Variants in MYCL observed in about 807,000 individuals in gnomAD.
MYCL encodes MYCL proto-oncogene, bHLH transcription factor.
Under a neutral mutation model 31.0 loss-of-function variants are expected in MYCL, and 11 were observed. The ratio of observed to expected loss-of-function variants is 0.35; its 90% CI spans 0.22 to 0.59. The LOEUF is 0.59. Ranked by LOEUF, MYCL falls within the 20% of genes least tolerant of loss-of-function variation. The pLI is 0.79. For missense variants in MYCL, 427 were observed against 486.1 expected (o/e 0.88, Z 1.14); for synonymous variants, 208 against 202.4 (o/e 1.03, Z -0.23).
intron 1 of MYCL, chr1:39,898,884 T>C: frequency 8.1e-6 from 8 of 985,426 alleles, no homozygotes; most frequent in South Asian, 4.7e-5. Flanking sequence ...AGAGGGGCAA[T>C]TGGGAGAAAA....
In MYCL at chr1:39,901,837, G is replaced by C. The variant is rs1277811228; in HGVS notation, c.-403C>G. On this transcript the variant is annotated 5_prime_UTR_variant, in exon 1 of 2. Transcript: ENST00000372816. The surrounding 1 kb of genome is among the most constrained non-coding windows in gnomAD (Gnocchi z 6.9). The stretch of plus-strand genomic sequence containing the variant: ...CTCCAGCCGCCCGCCACCTGGAGCG[G>C]ACCGGCTCCCCGCCGGCTCGGGGCA... 13 of 1,265,410 alleles carry C rather than the reference G, an allele frequency of 1.0e-5. No individual in the cohort carries two copies. Among genetic ancestry groups the C allele is most frequent in the East Asian group, 3.9e-5 (1 of 25,538 alleles). The allele number at this position is 1,265,410 out of a possible 1,614,324, so 78.4% of individuals were successfully genotyped here.
intron 1 of MYCL, chr1:39,900,711 C>T: frequency 7.2e-7 from 1 of 1,397,156 alleles, no homozygotes; most frequent in Non-Finnish European, 9.3e-7. Context: ...CCTGGGGCTC[C>T]AATAATCATC....
At position 39,897,575 on chromosome 1, in the gene MYCL, G is replaced by A. The variant is rs112099561; in HGVS notation, c.892C>T (p.Arg298Cys). 1 of 1,614,232 alleles carries A rather than the reference G, an allele frequency of 6.2e-7. No individual in the cohort carries two copies. The highest frequency in any genetic ancestry group is 1.1e-5 in the South Asian group (1 of 91,080). ...FLERKRRNDLRSRFLALRDQV... is the reference protein window; with the variant it reads ...FLERKRRNDLCSRFLALRDQV... ...TCCCTCAGCGCCAAGAATCGCGAAC[G>A]CAGGTCATTCCGCCTCTTGCGCTCC... The change falls in exon 2 of 2, where the codon CGT (arginine) becomes TGT (cysteine). Residue 298 changes from arginine to cysteine, a missense_variant. Coordinates refer to ENST00000372816, the MANE Select transcript of MYCL (RefSeq NM_001033081.3). This position sits in a 1 kb window ranked among gnomAD's most constrained non-coding sequence, Gnocchi z 4.3.
Position 39,901,263 on chromosome 1 carries a change from T to C in MYCL, c.172A>G (p.Ile58Val). 1.2e-6 allele frequency: 2 copies of C among 1,603,054 alleles called. No individual in the cohort carries two copies. The highest frequency in any genetic ancestry group is 1.3e-5 in the African/African-American group (1 of 74,800). ...GPGAGDPAPGIGPPEPWPGGC... is the reference protein window; with the variant it reads ...GPGAGDPAPGVGPPEPWPGGC... ...CCGGGCCACGGCTCCGGGGGACCAA[T>C]CCCGGGGGCCGGGTCCCCTGCGCCG... The change falls in exon 1 of 2, where the codon ATT becomes GTT. Residue 58 changes from isoleucine (I) to valine (V), a missense_variant. Ile to Val is a conservative substitution (Grantham distance 29, BLOSUM62 3). Coordinates refer to ENST00000372816, the MANE Select transcript of MYCL (RefSeq NM_001033081.3). This position sits in a 1 kb window ranked among gnomAD's most constrained non-coding sequence, Gnocchi z 6.9.
chr1:39,899,775 T>C (rs1644516961), intron 1 of MYCL: 1 of 985,308 alleles, frequency 1.0e-6, no homozygotes. Flanking sequence ...ATTTTTTCTC[T>C]CAAGTGTAGG....
Position 39,895,783 on chromosome 1 carries a change from G to A in MYCL, c.*1589C>T, listed in dbSNP as rs1348559888. 2 of 225,964 alleles carry A rather than the reference G, an allele frequency of 8.9e-6. No individual in the cohort carries two copies. The highest frequency in any genetic ancestry group is 2.2e-5 in the African/African-American group (1 of 44,882). 14.0% of individuals were successfully genotyped at this position (225,964 alleles called of 1,614,324 possible). A position where few individuals can be genotyped will look rare whatever the true frequency, so the allele number is the denominator to read the frequency against. On this transcript the variant is annotated 3_prime_UTR_variant, in exon 2 of 2. Coordinates refer to ENST00000372816, the MANE Select transcript of MYCL (RefSeq NM_001033081.3). ...GCTTTTGTAAACCATGCTCCAGAAG[G>A]GTAGAGAGGCTATTTCCAAACATCC...
chr1:39,898,312 C>T (rs1238825052), intron 1 of MYCL, among the ~76,000 whole-genome samples: 2 of 152,216 alleles, frequency 1.3e-5, no homozygotes, highest in African/African-American at 4.8e-5. Flanking sequence ...GAGCTACCGG[C>T]CTGGGACAAA....
Position 39,895,655 on chromosome 1 carries a change from A to T in MYCL, c.*1717T>A. The T allele has an allele frequency of 4.4e-6, 1 of 227,152 alleles. No individual in the cohort carries two copies. Among genetic ancestry groups the T allele is most frequent in the South Asian group, 1.8e-4 (1 of 5,482 alleles). The allele number at this position is 227,152 out of a possible 1,614,324, so 14.1% of individuals were successfully genotyped here. On this transcript the variant is annotated 3_prime_UTR_variant, in exon 2 of 2. Coordinates refer to ENST00000372816, the MANE Select transcript of MYCL (RefSeq NM_001033081.3). The stretch of plus-strand genomic sequence containing the variant: ...CAATATAAAAAAAAAAGACTCCCCC[A>T]GCATAATAGCCAACAGCAGCTTATA...
Position 39,901,389 on chromosome 1 carries a change from C to T in MYCL, c.46G>A (p.Gly16Arg). ...YQHYFYDYDC[G>R]EDFYRSTAPS... Reference sequence around the variant, plus strand: ...GCCGTGGAGCGGTAGAAATCCTCCCCGCAGTCATAGTCGTAGAAATAGTGC... The same window carrying T: ...GCCGTGGAGCGGTAGAAATCCTCCCTGCAGTCATAGTCGTAGAAATAGTGC... Residue 16 changes from glycine to arginine, a missense_variant, in exon 1 of 2, where the codon GGG (glycine) becomes AGG (arginine). Physicochemically the swap from Gly to Arg is moderately radical, Grantham distance 125 (BLOSUM62 -2). Transcript: ENST00000372816. This position sits in a 1 kb window ranked among gnomAD's most constrained non-coding sequence, Gnocchi z 6.9. 6.2e-7 allele frequency: 1 copy of T among 1,613,018 alleles called. No homozygotes were observed. The highest frequency in any genetic ancestry group is 8.5e-7 in the Non-Finnish European group (1 of 1,179,752).
At chr1:39,899,975 T>G (rs1268921900) in intron 1 of MYCL, 2 of 985,340 alleles carry the variant, frequency 2.0e-6, no homozygotes, top group East Asian at 2.3e-4. Context: ...AACAATGTAG[T>G]TTAGTGGCAC....
Position 39,901,594 on chromosome 1 carries a change from C to T in MYCL, c.-160G>A. On this transcript the variant is annotated 5_prime_UTR_variant, in exon 1 of 2. Transcript: ENST00000372816. The surrounding 1 kb of genome is among the most constrained non-coding windows in gnomAD (Gnocchi z 6.9). ...CGCCCAGTCCTCGCGTCCCGGGAAG[C>T]CGGGCCCCGGGTCAGAGTGGTAGGG... 1 of 1,427,406 alleles carries T rather than the reference C, an allele frequency of 7.0e-7. No homozygotes were observed. Among genetic ancestry groups the T allele is most frequent in the Non-Finnish European group, 9.1e-7 (1 of 1,098,730 alleles). 88.4% of individuals were successfully genotyped at this position (1,427,406 alleles called of 1,614,324 possible). A position where few individuals can be genotyped will look rare whatever the true frequency, so the allele number is the denominator to read the frequency against.
intron 1 of MYCL, chr1:39,900,557 G>A (rs1400019878): frequency 2.5e-6 from 3 of 1,183,864 alleles, no homozygotes; most frequent in Non-Finnish European, 3.1e-6. Flanking sequence ...CCCCCTAGGG[G>A]AGTGTGAGTT....
rs756041549 is a variant in MYCL at position 39,901,073 on chromosome 1, T to C, written c.362A>G (p.Asn121Ser). ...DRLAPGAPRG[N>S]PPKASAAPDC... ...CGGGGCGGCGGACGCCTTGGGCGGG[T>C]TCCCCCGGGGCGCGCCAGGAGCGAG... is the stretch of plus-strand genomic sequence containing the variant. Residue 121 changes from asparagine (N) to serine (S), a missense_variant, in exon 1 of 2, where the codon AAC (asparagine) becomes AGC (serine). Coordinates refer to ENST00000372816, the MANE Select transcript of MYCL (RefSeq NM_001033081.3). This position sits in a 1 kb window ranked among gnomAD's most constrained non-coding sequence, Gnocchi z 6.9. The C allele has an allele frequency of 6.4e-7, 1 of 1,562,422 alleles. No individual in the cohort carries two copies. The highest frequency in any genetic ancestry group is 1.2e-5 in the South Asian group (1 of 85,322).
Position 39,901,613 on chromosome 1 carries a change from G to A in MYCL, c.-179C>T, listed in dbSNP as rs1644541322. Reference sequence around the variant, plus strand: ...GGGAAGCCGGGCCCCGGGTCAGAGTGGTAGGGGAAGCCAATCGCAGCGCGC... The same window carrying A: ...GGGAAGCCGGGCCCCGGGTCAGAGTAGTAGGGGAAGCCAATCGCAGCGCGC... On this transcript the variant is annotated 5_prime_UTR_variant, in exon 1 of 2. Transcript: ENST00000372816. This position sits in a 1 kb window ranked among gnomAD's most constrained non-coding sequence, Gnocchi z 6.9. The A allele has an allele frequency of 1.4e-6, 2 of 1,404,678 alleles. No individual in the cohort carries two copies. The highest frequency in any genetic ancestry group is 1.6e-5 in the South Asian group (1 of 63,858). The allele number at this position is 1,404,678 out of a possible 1,614,324, so 87.0% of individuals were successfully genotyped here.
In MYCL at chr1:39,895,598, T is replaced by A; in HGVS notation, c.*1774A>T. 1 of 223,656 alleles carries A rather than the reference T, an allele frequency of 4.5e-6. No individual in the cohort carries two copies. Among genetic ancestry groups the A allele is most frequent in the Non-Finnish European group, 8.9e-6 (1 of 112,184 alleles). The allele number at this position is 223,656 out of a possible 1,614,324, so 13.9% of individuals were successfully genotyped here. A position where few individuals can be genotyped will look rare whatever the true frequency, so the allele number is the denominator to read the frequency against. ...GTTTTTTTCCTTGTACAAAAACAGTTAACACCACTTTGCAAAAGGCATACA... is the reference window on the plus strand; with the variant it reads ...GTTTTTTTCCTTGTACAAAAACAGTAAACACCACTTTGCAAAAGGCATACA... On this transcript the variant is annotated 3_prime_UTR_variant, in exon 2 of 2. Transcript: ENST00000372816.
In MYCL at chr1:39,895,820, C is replaced by T. The variant is rs538975557; in HGVS notation, c.*1552G>A. 3.6e-5 allele frequency: 8 copies of T among 223,320 alleles called. No homozygotes were observed. Among genetic ancestry groups the T allele is most frequent in the Non-Finnish European group, 6.3e-5 (7 of 111,870 alleles). The allele number at this position is 223,320 out of a possible 1,614,324, so 13.8% of individuals were successfully genotyped here. A position where few individuals can be genotyped will look rare whatever the true frequency, so the allele number is the denominator to read the frequency against. ...ATTTCCAAACATCCCCTGGGGTCCT[C>T]TGAGGCCAAGAAGCAACCTCAGAAA... On this transcript the variant is annotated 3_prime_UTR_variant, in exon 2 of 2. Transcript: ENST00000372816.
At chr1:39,899,187 TC>T in intron 1 of MYCL, 2 of 576,012 alleles carry the variant, frequency 3.5e-6, no homozygotes, top group Non-Finnish European at 4.4e-6. Flanking sequence ...CCAATCACTT[TC>T]CCCACCCCCC....
chr1:39,897,386 G>T lies in MYCL; in HGVS notation c.1081C>A (p.Leu361Ile). 3 of 1,602,066 alleles carry T rather than the reference G, an allele frequency of 1.9e-6. No individual in the cohort carries two copies. Among genetic ancestry groups the T allele is most frequent in the Non-Finnish European group, 1.7e-6 (2 of 1,171,436 alleles). ...QQQLQKRIAY[L>I]TGY is the part of the protein sequence containing the mutation. ...TTTTTGGTCAGTTAGTAGCCAGTGA[G>T]GTATGCAATTCTTTTCTGCAACTGC... Residue 361 changes from leucine to isoleucine, a missense_variant, in exon 2 of 2, where the codon CTC becomes ATC. Leu to Ile is a conservative substitution (Grantham distance 5). Transcript: ENST00000372816. This position sits in a 1 kb window ranked among gnomAD's most constrained non-coding sequence, Gnocchi z 4.3.
At position 39,901,648 on chromosome 1, in the gene MYCL, T is replaced by C. The variant is rs1644541667; in HGVS notation, c.-214A>G. On this transcript the variant is annotated 5_prime_UTR_variant, in exon 1 of 2. Coordinates refer to ENST00000372816, the MANE Select transcript of MYCL (RefSeq NM_001033081.3). This position sits in a 1 kb window ranked among gnomAD's most constrained non-coding sequence, Gnocchi z 6.9. ...GCCAATCGCAGCGCGCGGACCCGACTGTGGGCAGCGAGTTCAAAGCAAACT... is the reference window on the plus strand; with the variant it reads ...GCCAATCGCAGCGCGCGGACCCGACCGTGGGCAGCGAGTTCAAAGCAAACT... The C allele has an allele frequency of 7.3e-7, 1 of 1,361,922 alleles. No individual in the cohort carries two copies. The highest frequency in any genetic ancestry group is 3.6e-5 in the Admixed American group (1 of 27,654). 84.4% of individuals were successfully genotyped at this position (1,361,922 alleles called of 1,614,324 possible).
Sources: gnomAD v4.1 joint callset for allele counts (sites outside exome capture counted in the v4.1 genomes callset) on GRCh38, gnomAD v4.1.1 for gene constraint, Gnocchi (gnomAD v3.1) non-coding constraint, MANE v1.5 for transcripts, NCBI Gene and HGNC (gene_info 2026-07-23, HGNC 2026-07-21) for gene names.